KCNK9: variants seen among roughly 807,000 people sequenced by gnomAD.
KCNK9 encodes the protein potassium channel subfamily K member 9.
KCNK9 carries 1 observed loss-of-function variant against 10.8 expected under a neutral mutation model. That is an observed-to-expected ratio of 0.09 (90% CI 0.03 to 0.44). The LOEUF (loss-of-function observed/expected upper bound fraction) is 0.44, where lower values mean the gene tolerates loss of function less well. Among genes scored for constraint, KCNK9 ranks in the 20% least tolerant of loss-of-function variants. KCNK9 has a pLI of 0.97. For synonymous variants in KCNK9, 231 were observed against 222.7 expected (o/e 1.04, Z -0.33); for missense variants, 303 against 515.0 (o/e 0.59, Z 3.98).
intron 1 of KCNK9, among the ~76,000 whole-genome samples, chr8:139,661,361 C>T (rs997988712): frequency 7.9e-5 from 12 of 152,216 alleles, no homozygotes; most frequent in Non-Finnish European, 1.5e-4. Context: ...GCAGGGGCTG[C>T]AGGCTCAGAC....
Position 139,656,854 on chromosome 8 carries a change from C to T in KCNK9, c.284-37755G>A, listed in dbSNP as rs778998888. On this transcript the variant is annotated intron_variant, in intron 1 of 1. Transcript: ENST00000520439. The stretch of plus-strand genomic sequence containing the variant: ...GCCCCATAGGCCACACCATCCACAA[C>T]CAGAACCATCTTCTCCAACACAAAT... Among the ~76,000 whole-genome samples the T allele has an allele frequency of 6.7e-4, 102 of 152,172 alleles. 2 individuals carry two copies. Among genetic ancestry groups the T allele is most frequent in the Non-Finnish European group, 3.5e-4 (24 of 68,030 alleles).
intron 1 of KCNK9, among the ~76,000 whole-genome samples, chr8:139,647,270 G>A (rs1270323816): frequency 1.3e-5 from 2 of 152,206 alleles, no homozygotes; most frequent in African/African-American, 4.8e-5. Context: ...GAGCCTGGGG[G>A]TGGTTGGTTG....
At position 139,639,096 on chromosome 8, in the gene KCNK9, C is replaced by T. The variant is rs376867299; in HGVS notation, c.284-19997G>A. Among the ~76,000 whole-genome samples, 51 of 152,172 alleles carry T rather than the reference C, an allele frequency of 3.4e-4. 1 individual carries two copies. The highest frequency in any genetic ancestry group is 1.3e-4 in the Admixed American group (2 of 15,286). ...CTACCTGCCACAGTCACTCCTGCGCCGCCCCTTCCTGCAGTCTCTGCCACC... is the reference window on the plus strand; with the variant it reads ...CTACCTGCCACAGTCACTCCTGCGCTGCCCCTTCCTGCAGTCTCTGCCACC... On this transcript the variant is annotated intron_variant, in intron 1 of 1. Coordinates refer to ENST00000520439, the MANE Select transcript of KCNK9 (RefSeq NM_001282534.2).
At chr8:139,672,298 C>A (rs953385719) in intron 1 of KCNK9, among the ~76,000 whole-genome samples, 6 of 152,194 alleles carry the variant, frequency 3.9e-5, no homozygotes, top group Non-Finnish European at 8.8e-5. Flanking sequence ...ACGATTCCTT[C>A]CTTGGACTGT....
At chr8:139,616,868 G>A (rs16911079), downstream of KCNK9, 12,466 of 151,998 alleles carry the variant, frequency 0.082, 1,585 homozygotes, top group African/African-American at 0.28. Context: ...GCCTGTTACT[G>A]TAAGAGCCTC....
intron 1 of KCNK9, among the ~76,000 whole-genome samples, chr8:139,620,866 TCTGAAGA>T (rs1242688065): frequency 6.6e-6 from 1 of 151,942 alleles, no homozygotes; most frequent in Non-Finnish European, 1.5e-5. Context: ...AATTATCCAA[TCTGAAGA>T]GCAGAGAGGA....
At chr8:139,663,575 G>GAA (rs1816219429) in intron 1 of KCNK9, among the ~76,000 whole-genome samples, 1 of 151,954 alleles carries the variant, frequency 6.6e-6, no homozygotes, top group Non-Finnish European at 1.5e-5. Context: ...AAGCCACTCT[G>GAA]CAGAGAGACC....
intron 1 of KCNK9, among the ~76,000 whole-genome samples, chr8:139,695,252 A>T (rs1410673835): frequency 6.6e-6 from 1 of 152,250 alleles, no homozygotes. Context: ...TAGTGCACCA[A>T]CTGAGGACAT....
chr8:139,615,652 AG>A (rs1458510309), downstream of KCNK9, among the ~76,000 whole-genome samples: 1 of 152,164 alleles, frequency 6.6e-6, no homozygotes, highest in Non-Finnish European at 1.5e-5. Flanking sequence ...CTGGTAGCAA[AG>A]AGAAGACATA....
At chr8:139,677,891 A>C (rs1172350143) in intron 1 of KCNK9, among the ~76,000 whole-genome samples, 3 of 141,140 alleles carry the variant, frequency 2.1e-5, no homozygotes, top group African/African-American at 3.1e-5. Context: ...GGAATGCCTC[A>C]CATCTGAGCC....
chr8:139,624,823 G>A (rs1814914073), intron 1 of KCNK9, among the ~76,000 whole-genome samples: 1 of 152,230 alleles, frequency 6.6e-6, no homozygotes. Flanking sequence ...GACAGGGCAG[G>A]CCGGTGACGG....
intron 1 of KCNK9, among the ~76,000 whole-genome samples, chr8:139,697,144 G>A (rs1416022756): frequency 1.3e-5 from 2 of 151,296 alleles, no homozygotes; most frequent in African/African-American, 2.4e-5. Context: ...TGGATGAATG[G>A]TGAATGAATG....
chr8:139,671,432 G>A (rs1489016600), intron 1 of KCNK9, among the ~76,000 whole-genome samples: 1 of 152,224 alleles, frequency 6.6e-6, no homozygotes, highest in Non-Finnish European at 1.5e-5. Flanking sequence ...CAAGAGGCGG[G>A]AGGATGAGTC....
chr8:139,653,421 G>GC (rs1413408345), intron 1 of KCNK9, among the ~76,000 whole-genome samples: 1 of 151,930 alleles, frequency 6.6e-6, no homozygotes, highest in East Asian at 1.9e-4. Flanking sequence ...TCCCTCCCCA[G>GC]CCCCCTGCAA....
intron 1 of KCNK9, among the ~76,000 whole-genome samples, chr8:139,677,232 G>T (rs779145760): frequency 6.6e-6 from 1 of 152,096 alleles, no homozygotes; most frequent in Non-Finnish European, 1.5e-5. Context: ...TGCCTGTGCT[G>T]GGTGTTAGAT....
At chr8:139,650,747 A>C (rs1815838268) in intron 1 of KCNK9, among the ~76,000 whole-genome samples, 1 of 152,178 alleles carries the variant, frequency 6.6e-6, no homozygotes, top group Non-Finnish European at 1.5e-5. Flanking sequence ...AAATCTTCCC[A>C]AGATGTGGCT....
chr8:139,663,673 G>GTT (rs1231102980), intron 1 of KCNK9, among the ~76,000 whole-genome samples: 2 of 151,502 alleles, frequency 1.3e-5, no homozygotes, highest in Non-Finnish European at 2.9e-5. Context: ...GTGTGTGTGT[G>GTT]TGTGTGTGTT....
intron 1 of KCNK9, among the ~76,000 whole-genome samples, chr8:139,647,934 T>C (rs1460310788): frequency 1.3e-5 from 2 of 152,148 alleles, no homozygotes; most frequent in Non-Finnish European, 2.9e-5. Context: ...ATCCCATTCC[T>C]AGGAATATGC....
chr8:139,687,483 C>T lies in KCNK9; in HGVS notation c.283+15227G>A, dbSNP rs1182383312. On this transcript the variant is annotated intron_variant, in intron 1 of 1. Coordinates refer to ENST00000520439, the MANE Select transcript of KCNK9 (RefSeq NM_001282534.2). ...ATTCATATATTCATATATATGTATACATATATACACATATATACATATATA... is the reference window on the plus strand; with the variant it reads ...ATTCATATATTCATATATATGTATATATATATACACATATATACATATATA... 6.1e-5 allele frequency among the ~76,000 whole-genome samples: 4 copies of T among 66,068 alleles called. 1 individual carries two copies. Among genetic ancestry groups the T allele is most frequent in the Admixed American group, 1.6e-4 (1 of 6,344 alleles). 43.3% of individuals were successfully genotyped at this position (66,068 alleles called of 152,430 possible).
Sources: allele counts gnomAD v4.1 joint callset (sites outside exome capture counted in the v4.1 genomes callset), GRCh38; gene constraint gnomAD v4.1.1; transcripts MANE v1.5; gene names NCBI Gene and HGNC (gene_info 2026-07-23, HGNC 2026-07-21).